The following TCF20 variants were observed in gnomAD, a reference collection of about 807,000 sequenced individuals.
TCF20 encodes transcription factor 20.
Under a neutral mutation model 148.6 loss-of-function variants are expected in TCF20, and 3 were observed. That is an observed-to-expected ratio of 0.02 (90% CI 0.01 to 0.05). The LOEUF is 0.05. Ranked by LOEUF, TCF20 falls within the 10% of genes least tolerant of loss-of-function variation. The pLI, the probability that TCF20 is intolerant of heterozygous loss-of-function variation, is 1.00. For missense variants in TCF20, 2,350 were observed against 2,429.3 expected (o/e 0.97, Z 0.69); for synonymous variants, 1,049 against 909.5 (o/e 1.15, Z -2.76).
At chr22:42,228,328 TAAC>T (rs1569166809) in intron 1 of TCF20, among the ~76,000 whole-genome samples, 1 of 152,240 alleles carries the variant, frequency 6.6e-6, no homozygotes, top group East Asian at 1.9e-4. Flanking sequence ...ATGAGAGTCA[TAAC>T]AACAATGATA....
chr22:42,280,411 G>T (rs1926876792), intron 1 of TCF20, among the ~76,000 whole-genome samples: 1 of 152,200 alleles, frequency 6.6e-6, no homozygotes, highest in African/African-American at 2.4e-5. Flanking sequence ...TCACACTCCA[G>T]CCATCCACTT....
At chr22:42,216,366 C>T (rs1921803741) in intron 1 of TCF20, among the ~76,000 whole-genome samples, 3 of 152,128 alleles carry the variant, frequency 2.0e-5, no homozygotes, top group Admixed American at 6.6e-5. Context: ...GCAGCCAATT[C>T]CTTATGTCCA....
chr22:42,236,923 A>T (rs1706436074), intron 1 of TCF20, among the ~76,000 whole-genome samples: 8 of 152,202 alleles, frequency 5.3e-5, no homozygotes, highest in Admixed American at 5.2e-4. Context: ...AAAAATGCTA[A>T]CAATCATCTG....
Position 42,226,147 on chromosome 22 carries a change from ACAT to A in TCF20, c.-36-10809_-36-10807del, listed in dbSNP as rs1256664760. On this transcript the variant is annotated intron_variant, in intron 1 of 5. Transcript: ENST00000677622. The stretch of plus-strand genomic sequence containing the variant: ...CATCCCAAGATCACTTCAGATGACC[ACAT>A]ATGTGAGCAGGATGGCCAAACAGTT... Among the ~76,000 whole-genome samples, 3 of 152,196 alleles carry A rather than the reference ACAT, an allele frequency of 2.0e-5. No individual in the cohort carries two copies. The East Asian group carries it at 5.8e-4, about 29-fold the overall frequency.
intron 3 of TCF20, among the ~76,000 whole-genome samples, chr22:42,177,369 C>G (rs1305491223): frequency 6.6e-6 from 1 of 152,226 alleles, no homozygotes; most frequent in Admixed American, 6.5e-5. Flanking sequence ...GGGCTGAGAT[C>G]ATGCCATTGT....
chr22:42,187,560 G>A (rs982758397), intron 2 of TCF20, among the ~76,000 whole-genome samples: 7 of 152,156 alleles, frequency 4.6e-5, no homozygotes, highest in African/African-American at 1.2e-4. Context: ...GAGTGTGGCC[G>A]TTTTGGCGGC....
At chr22:42,312,962 G>C (rs1211949858) in intron 1 of TCF20, among the ~76,000 whole-genome samples, 1 of 152,152 alleles carries the variant, frequency 6.6e-6, no homozygotes, top group Non-Finnish European at 1.5e-5. Context: ...CCAGTACTGG[G>C]GGTGGCTCAC....
At chr22:42,182,131 C>T (rs1330604482) in intron 2 of TCF20, among the ~76,000 whole-genome samples, 2 of 152,148 alleles carry the variant, frequency 1.3e-5, no homozygotes, top group African/African-American at 2.4e-5. Context: ...CCACCTCTAG[C>T]CTTGTTACAG....
chr22:42,228,133 G>C (rs1923076350), intron 1 of TCF20, among the ~76,000 whole-genome samples: 2 of 152,208 alleles, frequency 1.3e-5, no homozygotes, highest in South Asian at 4.1e-4. Flanking sequence ...TCCTCTGGCT[G>C]TTTTGTGGAA....
intron 2 of TCF20, among the ~76,000 whole-genome samples, chr22:42,207,017 AATG>A (rs1236403598): frequency 2.0e-5 from 3 of 152,180 alleles, no homozygotes; most frequent in Non-Finnish European, 4.4e-5. Context: ...AGCAGACAGT[AATG>A]ATGAGTGCAG....
At chr22:42,216,656 T>G (rs546742887) in intron 1 of TCF20, among the ~76,000 whole-genome samples, 3 of 152,360 alleles carry the variant, frequency 2.0e-5, no homozygotes, top group Admixed American at 2.0e-4. Flanking sequence ...TATTTGTATT[T>G]GCCAGTTTTT....
chr22:42,168,009 G>A (rs900010235), intron 5 of TCF20, among the ~76,000 whole-genome samples: 3 of 151,822 alleles, frequency 2.0e-5, no homozygotes, highest in African/African-American at 7.3e-5. Context: ...TTACAGGTAT[G>A]AGCCACCATG....
chr22:42,268,120 T>A (rs1459760237), intron 1 of TCF20, among the ~76,000 whole-genome samples: 1 of 152,152 alleles, frequency 6.6e-6, no homozygotes, highest in Non-Finnish European at 1.5e-5. Flanking sequence ...CACTCCAGCC[T>A]GGACAACAGA....
upstream of TCF20, among the ~76,000 whole-genome samples, chr22:42,288,715 CAAAAAA>C (rs60058670): frequency 3.5e-5 from 3 of 85,304 alleles, no homozygotes; most frequent in African/African-American, 5.5e-5. Flanking sequence ...GACCCTGTAT[CAAAAAA>C]AAAAAAAAAA....
rs552417054 is a variant in TCF20 at position 42,179,225 on chromosome 22, T to C, written c.5749+384A>G. 2.0e-5 allele frequency among the ~76,000 whole-genome samples: 3 copies of C among 151,902 alleles called. No homozygotes were observed. In the East Asian group the frequency reaches 5.8e-4, roughly 29 times the overall value. On this transcript the variant is annotated intron_variant, in intron 3 of 5. Transcript: ENST00000677622. ...CAGCAATTCTACTCCCAGGTACACA[T>C]CCAAGAGAACTGAAAACATGTTCAC...
intron 5 of TCF20, 57 bp downstream of exon 5, chr22:42,168,552 C>T: frequency 3.3e-6 from 5 of 1,532,282 alleles, no homozygotes; most frequent in Non-Finnish European, 4.4e-6. Context: ...AGGGCAGAGG[C>T]AACGACGCCT....
chr22:42,181,461 G>A (rs1444177907), intron 2 of TCF20, among the ~76,000 whole-genome samples: 1 of 152,082 alleles, frequency 6.6e-6, no homozygotes, highest in South Asian at 2.1e-4. Flanking sequence ...CAAGAGGCCC[G>A]AAGATATGGC....
chr22:42,202,775 G>A (rs1288018158), intron 2 of TCF20, among the ~76,000 whole-genome samples: 2 of 152,162 alleles, frequency 1.3e-5, no homozygotes, highest in Non-Finnish European at 2.9e-5. Context: ...CCTAGTGCAG[G>A]ACCTGTGTGC....
intron 1 of TCF20, among the ~76,000 whole-genome samples, chr22:42,255,009 A>C (rs1174500694): frequency 1.4e-5 from 2 of 145,942 alleles, no homozygotes; most frequent in Non-Finnish European, 3.0e-5. Context: ...TAGAGGTGAG[A>C]GTTTTTCCCA....
Sources: gnomAD v4.1 joint callset for allele counts (sites outside exome capture counted in the v4.1 genomes callset) on GRCh38, gnomAD v4.1.1 for gene constraint, MANE v1.5 for transcripts, NCBI Gene and HGNC (gene_info 2026-07-23, HGNC 2026-07-21) for gene names.